The following CCDC179 variants were observed in gnomAD, a reference collection of about 807,000 sequenced individuals.
CCDC179 encodes the protein coiled-coil domain containing 179, also known as coiled-coil domain-containing protein 179.
A neutral mutation model predicts 12.0 loss-of-function variants in CCDC179; 17 were observed. That is an observed-to-expected ratio of 1.42 (90% CI 0.97 to 2.13). The LOEUF (loss-of-function observed/expected upper bound fraction) is 2.13, where lower values mean the gene tolerates loss of function less well. CCDC179 is among the 30% of genes most tolerant of loss of function. The probability of loss-of-function intolerance (pLI) is 0.00; values close to 1 mark genes in which losing one functional copy is unlikely to be tolerated. For synonymous variants in CCDC179, 27 were observed against 26.4 expected (o/e 1.02, Z -0.07); for missense variants, 83 against 78.6 (o/e 1.06, Z -0.21).
At chr11:22,855,854 GC>G (rs1380824583) in intron 3 of CCDC179, among the ~76,000 whole-genome samples, 1 of 151,098 alleles carries the variant, frequency 6.6e-6, no homozygotes, top group African/African-American at 2.4e-5. Flanking sequence ...GACCATAACT[GC>G]CAATCCCATG....
chr11:22,851,563 C>A (rs1349695065), intron 3 of CCDC179, among the ~76,000 whole-genome samples: 1 of 152,188 alleles, frequency 6.6e-6, no homozygotes, highest in East Asian at 1.9e-4. Context: ...AAAGAGCTTG[C>A]AAATTGTTCC....
chr11:22,855,423 G>A (rs756826989), intron 3 of CCDC179, among the ~76,000 whole-genome samples: 19 of 151,544 alleles, frequency 1.3e-4, no homozygotes, highest in Non-Finnish European at 1.9e-4. Flanking sequence ...TCAAATATTT[G>A]GAAATTAAGA....
intron 2 of CCDC179, among the ~76,000 whole-genome samples, chr11:22,858,689 T>C (rs141184895): frequency 9.2e-5 from 14 of 152,184 alleles, no homozygotes; most frequent in Admixed American, 1.3e-4. Flanking sequence ...AAAAATTTGC[T>C]TTTCCTATGA....
intron 3 of CCDC179, among the ~76,000 whole-genome samples, chr11:22,849,054 C>A (rs1858307308): frequency 6.6e-6 from 1 of 152,170 alleles, no homozygotes; most frequent in Non-Finnish European, 1.5e-5. Context: ...TACTATACAT[C>A]TTGGTCAATA....
chr11:22,860,471 A>G lies in CCDC179; in HGVS notation c.-50T>C. On this transcript the variant is annotated 5_prime_UTR_variant, in exon 1 of 4. Coordinates refer to ENST00000532798, the MANE Select transcript of CCDC179 (RefSeq NM_001195637.2). ...TGACGCCTACTGCCTGTCCTGGACC[A>G]AATGATTATGGGGCCCCACACCCAC... 6.6e-7 allele frequency: 1 copy of G among 1,508,288 alleles called. No homozygotes were observed. Among genetic ancestry groups the G allele is most frequent in the Non-Finnish European group, 8.8e-7 (1 of 1,132,850 alleles). The allele number at this position is 1,508,288 out of a possible 1,614,324, so 93.4% of individuals were successfully genotyped here.
chr11:22,855,664 C>A (rs965898306), intron 3 of CCDC179, among the ~76,000 whole-genome samples: 1 of 151,234 alleles, frequency 6.6e-6, no homozygotes, highest in Non-Finnish European at 1.5e-5. Flanking sequence ...GCAAATTAAA[C>A]CCAAAGTAAG....
chr11:22,860,385 C>G lies in CCDC179; in HGVS notation c.37G>C (p.Val13Leu). The G allele has an allele frequency of 6.5e-7, 1 of 1,535,618 alleles. No individual in the cohort carries two copies. The highest frequency in any genetic ancestry group is 8.7e-7 in the Non-Finnish European group (1 of 1,146,674). ...LYCWDIEPSQVNPEGPRQHHP... is the reference protein window; with the variant it reads ...LYCWDIEPSQLNPEGPRQHHP... ...GGCCCCAGCAGACTCACAGGGTTGACTTGGGAAGGCTCGATGTCCCAGCAA... is the reference window on the plus strand; with the variant it reads ...GGCCCCAGCAGACTCACAGGGTTGAGTTGGGAAGGCTCGATGTCCCAGCAA... The change falls in exon 1 of 4, where the codon GTC becomes CTC. Residue 13 changes from valine (V) to leucine (L), a missense_variant. Physicochemically the swap from Val to Leu is conservative, Grantham distance 32. Transcript: ENST00000532798.
chr11:22,854,817 G>A (rs1238646292), intron 3 of CCDC179, among the ~76,000 whole-genome samples: 2 of 151,704 alleles, frequency 1.3e-5, no homozygotes, highest in African/African-American at 4.8e-5. Flanking sequence ...ACAACTGTAT[G>A]TTGTTTACAA....
intron 3 of CCDC179, among the ~76,000 whole-genome samples, chr11:22,848,188 A>G (rs7952475): frequency 0.017 from 2,520 of 152,342 alleles, 67 homozygotes; most frequent in African/African-American, 0.058. Flanking sequence ...TTACGCCTGT[A>G]ATCCCCACAT....
chr11:22,847,331 T>C lies in CCDC179; in HGVS notation c.*179A>G. 2.6e-6 allele frequency: 1 copy of C among 384,724 alleles called. No homozygotes were observed. Among genetic ancestry groups the C allele is most frequent in the Non-Finnish European group, 4.6e-6 (1 of 219,678 alleles). The allele number at this position is 384,724 out of a possible 1,614,324, so 23.8% of individuals were successfully genotyped here. ...AAATATGGTAGTGAGAGATGGCATT[T>C]AATAAAATTCTAGAGCCTGTAGCTT... is the stretch of plus-strand genomic sequence containing the variant. On this transcript the variant is annotated 3_prime_UTR_variant, in exon 4 of 4. Coordinates refer to ENST00000532798, the MANE Select transcript of CCDC179 (RefSeq NM_001195637.2).
At position 22,850,968 on chromosome 11, in the gene CCDC179, A is replaced by AT. The variant is rs1564915113; in HGVS notation, c.196-3448dup. Among the ~76,000 whole-genome samples the AT allele has an allele frequency of 5.4e-3, 36 of 6,666 alleles. 2 individuals carry two copies. Among genetic ancestry groups the AT allele is most frequent in the East Asian group, 0.032 (5 of 156 alleles). The allele number at this position is 6,666 out of a possible 152,430, so 4.4% of individuals were successfully genotyped here. The stretch of plus-strand genomic sequence containing the variant: ...TATATATATATATATATATATATAT[A>AT]TATATATATTTTTTTTTTTTTTTTT... On this transcript the variant is annotated intron_variant, in intron 3 of 3. Transcript: ENST00000532798.
At chr11:22,856,160 C>T (rs1858525398) in intron 3 of CCDC179, among the ~76,000 whole-genome samples, 1 of 151,454 alleles carries the variant, frequency 6.6e-6, no homozygotes, top group East Asian at 1.9e-4. Flanking sequence ...TACTTCTTGA[C>T]TCATTCTGTA....
intron 3 of CCDC179, among the ~76,000 whole-genome samples, chr11:22,849,802 C>T (rs1858327913): frequency 6.6e-6 from 1 of 151,998 alleles, no homozygotes; most frequent in Admixed American, 6.6e-5. Flanking sequence ...GTTCGTTGTC[C>T]CGTACCAAGA....
chr11:22,850,892 CG>C (rs1564914910), intron 3 of CCDC179, among the ~76,000 whole-genome samples: 3 of 129,676 alleles, frequency 2.3e-5, no homozygotes, highest in Non-Finnish European at 4.7e-5. Flanking sequence ...AATTATGATA[CG>C]TTATACTAAG....
chr11:22,857,475 TAATC>T (rs1354001464), intron 3 of CCDC179, among the ~76,000 whole-genome samples: 1 of 151,714 alleles, frequency 6.6e-6, no homozygotes, highest in African/African-American at 2.4e-5. Flanking sequence ...ATAATGATAA[TAATC>T]TGGACACTGA....
intron 3 of CCDC179, among the ~76,000 whole-genome samples, chr11:22,854,024 G>T (rs1858480137): frequency 2.6e-5 from 4 of 151,826 alleles, no homozygotes; most frequent in Admixed American, 1.3e-4. Flanking sequence ...AATCATGCAA[G>T]CAATAAGAGA....
At chr11:22,857,691 G>C (rs966696604) in intron 3 of CCDC179, among the ~76,000 whole-genome samples, 1 of 151,610 alleles carries the variant, frequency 6.6e-6, no homozygotes, top group Non-Finnish European at 1.5e-5. Context: ...GTGGAGTCCA[G>C]AACAACCTGG....
At chr11:22,855,272 A>C (rs1858507166) in intron 3 of CCDC179, among the ~76,000 whole-genome samples, 1 of 151,666 alleles carries the variant, frequency 6.6e-6, no homozygotes, top group African/African-American at 2.4e-5. Flanking sequence ...CACATGGAAC[A>C]TTCACCAAGA....
chr11:22,850,938 G>A (rs563701012), intron 3 of CCDC179, among the ~76,000 whole-genome samples: 3 of 75,028 alleles, frequency 4.0e-5, no homozygotes, highest in East Asian at 7.9e-4. Context: ...ATGTTGCATA[G>A]GCTATATATA....
Sources: gnomAD v4.1 joint callset for allele counts (sites outside exome capture counted in the v4.1 genomes callset) on GRCh38, gnomAD v4.1.1 for gene constraint, MANE v1.5 for transcripts, NCBI Gene and HGNC (gene_info 2026-07-23, HGNC 2026-07-21) for gene names.